The following KCTD7 variants were observed in gnomAD, a reference collection of about 807,000 sequenced individuals.
KCTD7 encodes the protein potassium channel tetramerization domain containing 7, also known as BTB/POZ domain-containing protein KCTD7.
Under a neutral mutation model 27.0 loss-of-function variants are expected in KCTD7, and 15 were observed. That is an observed-to-expected ratio of 0.56 (90% CI 0.37 to 0.86). The LOEUF is 0.86. Ranked by LOEUF, KCTD7 falls within the 40% of genes least tolerant of loss-of-function variation. The pLI is 0.00. For missense variants in KCTD7, 299 were observed against 398.9 expected, an observed-to-expected ratio of 0.75 and a Z score of 2.13; for synonymous variants, 159 against 162.7, an observed-to-expected ratio of 0.98 and a Z score of 0.17.
At chr7:66,633,120 AG>A (rs1786492286) in intron 1 of KCTD7, among the ~76,000 whole-genome samples, 154 bp from the exon 2 acceptor site, 1 of 151,626 alleles carries the variant, frequency 6.6e-6, no homozygotes. Context: ...GGTGGGGCAG[AG>A]GGAGGAGAGA....
rs1786646567 is a variant in KCTD7 at position 66,638,853 on chromosome 7, T to C, written c.494-3T>C. 6.2e-7 allele frequency: 1 copy of C among 1,613,916 alleles called. No individual in the cohort carries two copies. Among genetic ancestry groups the C allele is most frequent in the Admixed American group, 1.7e-5 (1 of 60,006 alleles). ...GTGATAGGTGTTGTGTTCATCCTTA[T>C]AGACCACTTGGAGCGGATTGTGGAG... On this transcript the variant is annotated splice_region_variant and splice_polypyrimidine_tract_variant and intron_variant, in intron 3 of 3. Transcript: ENST00000639828.
Position 66,641,271 on chromosome 7 carries a change from A to ATTGG in KCTD7, c.*2041_*2044dup. 1.0e-6 allele frequency: 1 copy of ATTGG among 985,260 alleles called. No individual in the cohort carries two copies. Among genetic ancestry groups the ATTGG allele is most frequent in the Non-Finnish European group, 1.2e-6 (1 of 829,914 alleles). 61.0% of individuals were successfully genotyped at this position (985,260 alleles called of 1,614,324 possible). ...AAAGGCTTTCATTTTGGTTCTTCTG[A>ATTGG]TTGGTGTTACCTACTGCCTAATATG... is the stretch of plus-strand genomic sequence containing the variant. On this transcript the variant is annotated 3_prime_UTR_variant, in exon 4 of 4. Coordinates refer to ENST00000639828, the MANE Select transcript of KCTD7 (RefSeq NM_153033.5).
rs930241499 is a variant in KCTD7, at chr7:66,641,578, C to T, written c.*2346C>T. ...CGTTCCTCTCTCTCGCTGGAGAAAT[C>T]CCTGTTTCTCTGACTCCCTTTGTGA... is the stretch of plus-strand genomic sequence containing the variant. On this transcript the variant is annotated 3_prime_UTR_variant, in exon 4 of 4. Transcript: ENST00000639828. The T allele has an allele frequency of 1.0e-6, 1 of 985,424 alleles. No individual in the cohort carries two copies. The allele number at this position is 985,424 out of a possible 1,614,324, so 61.0% of individuals were successfully genotyped here.
In KCTD7 at chr7:66,642,223, C is replaced by T. The variant is rs565919683; in HGVS notation, c.*2991C>T. 2 of 985,416 alleles carry T rather than the reference C, an allele frequency of 2.0e-6. No individual in the cohort carries two copies. The highest frequency in any genetic ancestry group is 2.3e-4 in the East Asian group (2 of 8,812). 61.0% of individuals were successfully genotyped at this position (985,416 alleles called of 1,614,324 possible). On this transcript the variant is annotated 3_prime_UTR_variant, in exon 4 of 4. Transcript: ENST00000639828. Reference sequence around the variant, plus strand: ...CAGGAGAGGAATTCTTAGCGTAACACTCTAAATAAATGGAAGGAATCATCA... The same window carrying T: ...CAGGAGAGGAATTCTTAGCGTAACATTCTAAATAAATGGAAGGAATCATCA...
chr7:66,634,108 G>GTA (rs1488784247), intron 2 of KCTD7, among the ~76,000 whole-genome samples: 1 of 85,846 alleles, frequency 1.2e-5, no homozygotes, highest in South Asian at 3.4e-4. Context: ...ATGGGTGTGT[G>GTA]TATACATATA....
Position 66,641,214 on chromosome 7 carries a change from C to T in KCTD7, c.*1982C>T. On this transcript the variant is annotated 3_prime_UTR_variant, in exon 4 of 4. Transcript: ENST00000639828. ...TGATGTCCCTGCTTGGAGGTTAGCCCCAAAACATGGCTCTTGTATTGTTCT... is the reference window on the plus strand; with the variant it reads ...TGATGTCCCTGCTTGGAGGTTAGCCTCAAAACATGGCTCTTGTATTGTTCT... 2 of 985,320 alleles carry T rather than the reference C, an allele frequency of 2.0e-6. No individual in the cohort carries two copies. Among genetic ancestry groups the T allele is most frequent in the Non-Finnish European group, 2.4e-6 (2 of 829,926 alleles). 61.0% of individuals were successfully genotyped at this position (985,320 alleles called of 1,614,324 possible). A position where few individuals can be genotyped will look rare whatever the true frequency, so the allele number is the denominator to read the frequency against.
chr7:66,637,326 T>G (rs958078093), intron 2 of KCTD7, among the ~76,000 whole-genome samples: 1 of 152,140 alleles, frequency 6.6e-6, no homozygotes, highest in African/African-American at 2.4e-5. Context: ...GCTCAGATGA[T>G]CCACCCACCT....
chr7:66,632,913 C>T (rs1343548107), intron 1 of KCTD7, among the ~76,000 whole-genome samples: 2 of 151,364 alleles, frequency 1.3e-5, no homozygotes, highest in Admixed American at 6.6e-5. Context: ...AAAAATTAGC[C>T]GGGTGTGGTG....
At chr7:66,637,645 A>G (rs1786618571) in intron 2 of KCTD7, among the ~76,000 whole-genome samples, 1 of 152,328 alleles carries the variant, frequency 6.6e-6, no homozygotes, top group East Asian at 1.9e-4. Context: ...AACATACTAT[A>G]TAATTCTGTT....
chr7:66,639,404 G>C lies in KCTD7; in HGVS notation c.*172G>C. 1 of 1,503,378 alleles carries C rather than the reference G, an allele frequency of 6.7e-7. No individual in the cohort carries two copies. The highest frequency in any genetic ancestry group is 8.9e-7 in the Non-Finnish European group (1 of 1,128,792). The allele number at this position is 1,503,378 out of a possible 1,614,324, so 93.1% of individuals were successfully genotyped here. A position where few individuals can be genotyped will look rare whatever the true frequency, so the allele number is the denominator to read the frequency against. ...AGGTGTAGCTCCAATCTCCCTGACT[G>C]CACCTCAGGGTTGGGCTCAGGGCTT... On this transcript the variant is annotated 3_prime_UTR_variant, in exon 4 of 4. Transcript: ENST00000639828.
chr7:66,641,936 T>G lies in KCTD7; in HGVS notation c.*2704T>G, dbSNP rs767325788. ...AGGAAGGCTCCAAAGGATGAAAGCT[T>G]CTCCCTGATCATAAGGAAGTGCATC... On this transcript the variant is annotated 3_prime_UTR_variant, in exon 4 of 4. Transcript: ENST00000639828. 2 of 985,344 alleles carry G rather than the reference T, an allele frequency of 2.0e-6. No individual in the cohort carries two copies. The highest frequency in any genetic ancestry group is 2.4e-6 in the Non-Finnish European group (2 of 829,908). 61.0% of individuals were successfully genotyped at this position (985,344 alleles called of 1,614,324 possible). A position where few individuals can be genotyped will look rare whatever the true frequency, so the allele number is the denominator to read the frequency against.
At position 66,640,270 on chromosome 7, in the gene KCTD7, T is replaced by C. The variant is rs1292954420; in HGVS notation, c.*1038T>C. 3.2e-5 allele frequency: 48 copies of C among 1,505,760 alleles called. No homozygotes were observed. Among genetic ancestry groups the C allele is most frequent in the East Asian group, 4.9e-5 (2 of 40,808 alleles). The allele number at this position is 1,505,760 out of a possible 1,614,324, so 93.3% of individuals were successfully genotyped here. The stretch of plus-strand genomic sequence containing the variant: ...AGACACACAGCTATCCTAGGAGCCG[T>C]AGGAAGACAAAACTTCCCTTTTGTT... On this transcript the variant is annotated 3_prime_UTR_variant, in exon 4 of 4. Transcript: ENST00000639828.
rs1562650696 is a variant in KCTD7, at chr7:66,640,106, A to C, written c.*874A>C. ...GGCTCAGAACACCTCCTTGGCTGCT[A>C]TCTCATGTGTTAGAATCCAGTTTGT... On this transcript the variant is annotated 3_prime_UTR_variant, in exon 4 of 4. Transcript: ENST00000639828. 7.5e-7 allele frequency: 1 copy of C among 1,326,030 alleles called. No homozygotes were observed. The highest frequency in any genetic ancestry group is 3.7e-5 in the Admixed American group (1 of 27,352). 82.1% of individuals were successfully genotyped at this position (1,326,030 alleles called of 1,614,324 possible). A position where few individuals can be genotyped will look rare whatever the true frequency, so the allele number is the denominator to read the frequency against.
intron 2 of KCTD7, among the ~76,000 whole-genome samples, chr7:66,637,368 G>A (rs1786611634): frequency 6.6e-6 from 1 of 152,138 alleles, no homozygotes; most frequent in Non-Finnish European, 1.5e-5. Flanking sequence ...TCACACGTGT[G>A]AGCCACCGTG....
chr7:66,630,505 C>T (rs1206325182), intron 1 of KCTD7, among the ~76,000 whole-genome samples: 1 of 152,114 alleles, frequency 6.6e-6, no homozygotes, highest in African/African-American at 2.4e-5. Context: ...TAAGGTAGTG[C>T]CAGATCCAGG....
rs752605506 is a variant in KCTD7, at chr7:66,641,192, T to C, written c.*1960T>C. Reference sequence around the variant, plus strand: ...GGGATAGTCTCTTTTCTGGAGCTGATGTCCCTGCTTGGAGGTTAGCCCCAA... The same window carrying C: ...GGGATAGTCTCTTTTCTGGAGCTGACGTCCCTGCTTGGAGGTTAGCCCCAA... On this transcript the variant is annotated 3_prime_UTR_variant, in exon 4 of 4. Coordinates refer to ENST00000639828, the MANE Select transcript of KCTD7 (RefSeq NM_153033.5). 54 of 985,326 alleles carry C rather than the reference T, an allele frequency of 5.5e-5. No individual in the cohort carries two copies. The highest frequency in any genetic ancestry group is 1.2e-4 in the Admixed American group (2 of 16,268). 61.0% of individuals were successfully genotyped at this position (985,326 alleles called of 1,614,324 possible). A position where few individuals can be genotyped will look rare whatever the true frequency, so the allele number is the denominator to read the frequency against.
Position 66,640,273 on chromosome 7 carries a change from G to GAAGAC in KCTD7, c.*1044_*1048dup, listed in dbSNP as rs1309680723. On this transcript the variant is annotated 3_prime_UTR_variant, in exon 4 of 4. Coordinates refer to ENST00000639828, the MANE Select transcript of KCTD7 (RefSeq NM_153033.5). ...CACACAGCTATCCTAGGAGCCGTAG[G>GAAGAC]AAGACAAAACTTCCCTTTTGTTTTA... 6.6e-7 allele frequency: 1 copy of GAAGAC among 1,508,318 alleles called. No individual in the cohort carries two copies. Among genetic ancestry groups the GAAGAC allele is most frequent in the African/African-American group, 1.4e-5 (1 of 72,264 alleles). 93.4% of individuals were successfully genotyped at this position (1,508,318 alleles called of 1,614,324 possible). A position where few individuals can be genotyped will look rare whatever the true frequency, so the allele number is the denominator to read the frequency against.
rs1786500084 is a variant in KCTD7 at position 66,633,384 on chromosome 7, A to G, written c.254A>G (p.His85Arg). 11 of 1,614,118 alleles carry G rather than the reference A, an allele frequency of 6.8e-6. No homozygotes were observed. Among genetic ancestry groups the G allele is most frequent in the African/African-American group, 1.3e-5 (1 of 75,030 alleles). ...TTGGCAGCCATGTTCAGTGGGCGGC[A>G]CTACATCCCCACGGACTCCGAGGGC... ...TMLAAMFSGR[H>R]YIPTDSEGRY... Residue 85 changes from histidine to arginine, a missense_variant, in exon 2 of 4, where the codon CAC becomes CGC. His to Arg is a conservative substitution (Grantham distance 29). Coordinates refer to ENST00000639828, the MANE Select transcript of KCTD7 (RefSeq NM_153033.5).
At chr7:66,637,937 TATACCTAATA>T (rs1329610031) in intron 2 of KCTD7, among the ~76,000 whole-genome samples, 31 of 152,320 alleles carry the variant, frequency 2.0e-4, no homozygotes, top group Admixed American at 4.6e-4. Context: ...TATACTTACA[TATACCTAATA>T]ATACCTAATA....
Sources: allele counts gnomAD v4.1 joint callset (sites outside exome capture counted in the v4.1 genomes callset), GRCh38; gene constraint gnomAD v4.1.1; transcripts MANE v1.5; gene names NCBI Gene and HGNC (gene_info 2026-07-23, HGNC 2026-07-21).